The following SPAG9 variants were observed in gnomAD, a reference collection of about 807,000 sequenced individuals.
SPAG9 encodes the protein C-Jun-amino-terminal kinase-interacting protein 4.
In SPAG9, 35 loss-of-function variants were observed where a neutral mutation model predicts 166.5. The ratio of observed to expected loss-of-function variants is 0.21; its 90% CI spans 0.16 to 0.28. SPAG9 has a LOEUF of 0.28. SPAG9 is among the 10% of genes least tolerant of loss of function. The probability of loss-of-function intolerance (pLI) is 1.00; values close to 1 mark genes in which losing one functional copy is unlikely to be tolerated. For synonymous variants in SPAG9, 534 were observed against 565.5 expected (o/e 0.94, Z 0.79); for missense variants, 1,235 against 1,603.3 (o/e 0.77, Z 3.92).
chr17:50,981,877 A>G (rs889587425), intron 25 of SPAG9, among the ~76,000 whole-genome samples: 20 of 151,882 alleles, frequency 1.3e-4, no homozygotes, highest in Middle Eastern at 3.4e-3. Flanking sequence ...TAAAAATACA[A>G]AAAAAATTAG....
intron 26 of SPAG9, 68 bp from the exon 27 acceptor site, chr17:50,977,289 T>C (rs1418344080): frequency 1.2e-5 from 12 of 963,098 alleles, no homozygotes; most frequent in Non-Finnish European, 2.0e-5. Context: ...TCCAAGTTCC[T>C]TAGAAGTAGC....
chr17:51,070,502 TG>T (rs1826320227), intron 2 of SPAG9, among the ~76,000 whole-genome samples: 1 of 152,206 alleles, frequency 6.6e-6, no homozygotes, highest in African/African-American at 2.4e-5. Context: ...AACTTGTAGA[TG>T]TAAAAAAATA....
chr17:51,089,618 T>TTTTA (rs1478673161), intron 1 of SPAG9, among the ~76,000 whole-genome samples: 37 of 71,240 alleles, frequency 5.2e-4, no homozygotes, highest in African/African-American at 2.2e-3. Context: ...ATACACTTTA[T>TTTTA]TTTATATATA....
intron 9 of SPAG9, among the ~76,000 whole-genome samples, chr17:51,010,600 T>C (rs75267655): frequency 2.7e-3 from 394 of 145,978 alleles, no homozygotes; most frequent in South Asian, 9.4e-3. Flanking sequence ...TATATATATA[T>C]ACATATATGT....
At chr17:51,060,147 C>A (rs946432572) in intron 2 of SPAG9, among the ~76,000 whole-genome samples, 1 of 151,970 alleles carries the variant, frequency 6.6e-6, no homozygotes, top group South Asian at 2.1e-4. Flanking sequence ...CCCTCACCCC[C>A]CAAATTCATA....
intron 1 of SPAG9, among the ~76,000 whole-genome samples, chr17:51,108,704 C>T (rs1300229987): frequency 6.6e-6 from 1 of 152,088 alleles, no homozygotes; most frequent in Admixed American, 6.6e-5. Context: ...ACTATGTTGC[C>T]CAGGCTGTTC....
At chr17:51,093,964 A>G (rs1459300963) in intron 1 of SPAG9, among the ~76,000 whole-genome samples, 1 of 152,208 alleles carries the variant, frequency 6.6e-6, no homozygotes, top group African/African-American at 2.4e-5. Flanking sequence ...CTCTAGGCAC[A>G]GCCAGGCAGG....
intron 1 of SPAG9, among the ~76,000 whole-genome samples, chr17:51,089,661 T>TATACAC (rs1568077527): frequency 3.1e-5 from 3 of 97,932 alleles, no homozygotes; most frequent in East Asian, 3.5e-4. Flanking sequence ...TATATATATA[T>TATACAC]ATACACATAC....
At chr17:51,051,420 T>A (rs1437962916) in intron 3 of SPAG9, among the ~76,000 whole-genome samples, 1 of 151,966 alleles carries the variant, frequency 6.6e-6, no homozygotes, top group Non-Finnish European at 1.5e-5. Flanking sequence ...GGTGTTAGTG[T>A]TATTAAAAGT....
At chr17:51,096,695 A>C (rs2048657906) in intron 1 of SPAG9, among the ~76,000 whole-genome samples, 1 of 152,212 alleles carries the variant, frequency 6.6e-6, no homozygotes, top group African/African-American at 2.4e-5. Context: ...CATCGATGGA[A>C]TACACAGCAG....
intron 1 of SPAG9, among the ~76,000 whole-genome samples, chr17:51,095,031 G>A (rs147777939): frequency 5.3e-5 from 8 of 151,912 alleles, no homozygotes; most frequent in African/African-American, 1.9e-4. Context: ...CGCGGTGGCT[G>A]ACGCCTGTAA....
chr17:51,010,605 ATATG>A lies in SPAG9; in HGVS notation c.1214-3283_1214-3280del, dbSNP rs774961652. The stretch of plus-strand genomic sequence containing the variant: ...AAAATATATATATATATATATACAT[ATATG>A]TATGTATACACACACACATTTAGGA... On this transcript the variant is annotated intron_variant, in intron 9 of 29. Coordinates refer to ENST00000262013, the MANE Select transcript of SPAG9 (RefSeq NM_001130528.3). Among the ~76,000 whole-genome samples, 334 of 149,650 alleles carry A rather than the reference ATATG, an allele frequency of 2.2e-3. 1 individual carries two copies. Among genetic ancestry groups the A allele is most frequent in the Non-Finnish European group, 3.2e-3 (215 of 67,526 alleles).
intron 12 of SPAG9, among the ~76,000 whole-genome samples, chr17:51,002,619 G>C (rs2045006774): frequency 6.6e-6 from 1 of 151,740 alleles, no homozygotes; most frequent in Non-Finnish European, 1.5e-5. Flanking sequence ...GTAGCCAGGA[G>C]TGGTGGCACA....
intron 14 of SPAG9, chr17:50,999,354 G>A: frequency 1.3e-6 from 1 of 749,940 alleles, no homozygotes; most frequent in Non-Finnish European, 2.0e-6. Context: ...GGGGATCCAG[G>A]TCATTTTCAA....
intron 2 of SPAG9, among the ~76,000 whole-genome samples, chr17:51,057,240 G>C (rs9675200): frequency 0.24 from 36,263 of 152,076 alleles, 5,164 homozygotes; most frequent in Admixed American, 0.34. Flanking sequence ...GGCAGAGGGT[G>C]GTGGTGAGGC....
intron 26 of SPAG9, 47 bp from the exon 27 acceptor site, chr17:50,977,268 G>A (rs1974271301): frequency 8.6e-7 from 1 of 1,167,796 alleles, no homozygotes; most frequent in Non-Finnish European, 1.3e-6. Context: ...AAAGCAGACA[G>A]TGTTTTACAT....
In SPAG9 at chr17:50,996,374, GCATTT is replaced by G. The variant is rs2044680486; in HGVS notation, c.1968+186_1968+190del. On this transcript the variant is annotated intron_variant, in intron 16 of 29. Coordinates refer to ENST00000262013, the MANE Select transcript of SPAG9 (RefSeq NM_001130528.3). ...CTCCTCCCCCCCTCACAGACTCAGA[GCATTT>G]CATTTGAGTTCTACAGCTCTAGAAA... 6 of 610,630 alleles carry G rather than the reference GCATTT, an allele frequency of 9.8e-6. No homozygotes were observed. In the South Asian group the frequency reaches 1.1e-4, roughly 11 times the overall value. 37.8% of individuals were successfully genotyped at this position (610,630 alleles called of 1,614,324 possible).
chr17:51,047,074 A>C, intron 4 of SPAG9: 1 of 362,824 alleles, frequency 2.8e-6, no homozygotes, highest in Non-Finnish European at 3.8e-6. Flanking sequence ...GGGAGAAATA[A>C]AATATTTCAG....
chr17:51,073,172 G>A (rs561063922), intron 2 of SPAG9, among the ~76,000 whole-genome samples: 2 of 151,994 alleles, frequency 1.3e-5, no homozygotes, highest in Admixed American at 1.3e-4. Context: ...CTGAAAAAAT[G>A]CAAAAATTTT....
Sources: allele counts gnomAD v4.1 joint callset (sites outside exome capture counted in the v4.1 genomes callset), GRCh38; gene constraint gnomAD v4.1.1; transcripts MANE v1.5; gene names NCBI Gene and HGNC (gene_info 2026-07-23, HGNC 2026-07-21).